PCDH15: variants seen among roughly 807,000 people sequenced by gnomAD.
PCDH15 encodes the protein protocadherin related 15.
In PCDH15, 129 loss-of-function variants were observed where a neutral mutation model predicts 178.5. That is an observed-to-expected ratio of 0.72 (90% CI 0.63 to 0.84). The LOEUF is 0.84. Among genes scored for constraint, PCDH15 ranks in the 40% least tolerant of loss-of-function variants. The pLI, the probability that PCDH15 is intolerant of heterozygous loss-of-function variation, is 0.00. For missense variants in PCDH15, 2,230 were observed against 2,099.9 expected, an observed-to-expected ratio of 1.06 and a Z score of -1.21; for synonymous variants, 800 against 732.0, an observed-to-expected ratio of 1.09 and a Z score of -1.50.
At chr10:54,412,651 A>G (rs1018536021) in intron 3 of PCDH15, among the ~76,000 whole-genome samples, 54 of 152,194 alleles carry the variant, frequency 3.5e-4, no homozygotes, top group Admixed American at 2.4e-3. Context: ...GCTACTTACA[A>G]CAAGCAACTT....
At chr10:53,965,353 C>T (rs981562239) in intron 21 of PCDH15, among the ~76,000 whole-genome samples, 1 of 152,170 alleles carries the variant, frequency 6.6e-6, no homozygotes, top group Non-Finnish European at 1.5e-5. Context: ...CCACCGCGCC[C>T]AGCCCTACTA....
intron 18 of PCDH15, among the ~76,000 whole-genome samples, chr10:54,063,388 G>A (rs2094071108): frequency 6.6e-6 from 1 of 151,900 alleles, no homozygotes; most frequent in Non-Finnish European, 1.5e-5. Context: ...TCCTTCTTGA[G>A]TCAACTTCAG....
chr10:53,812,872 T>C (rs1326404484), intron 35 of PCDH15, among the ~76,000 whole-genome samples: 1 of 152,136 alleles, frequency 6.6e-6, no homozygotes, highest in Non-Finnish European at 1.5e-5. Flanking sequence ...ATTTTGTTGA[T>C]CCAGGAATAG....
In PCDH15 at chr10:53,959,791, T is replaced by C. The variant is rs1252533873; in HGVS notation, c.3063A>G (p.Thr1021=). 1.2e-6 allele frequency: 2 copies of C among 1,614,136 alleles called. No individual in the cohort carries two copies. Among genetic ancestry groups the C allele is most frequent in the East Asian group, 4.5e-5 (2 of 44,864 alleles). ...CAGGATGTAAGACAAGAATCTTCAC[T>C]GTGGCACTGCTGGACATCACAGGCT... ...DGEPVMSSSA[T]VKILVLHPGE... The change falls in exon 23 of 38, where the codon ACA becomes ACG. Residue 1021 remains threonine, a synonymous_variant. Transcript: ENST00000644397.
At chr10:54,154,787 G>C (rs529136019) in intron 13 of PCDH15, among the ~76,000 whole-genome samples, 1 of 152,242 alleles carries the variant, frequency 6.6e-6, no homozygotes, top group African/African-American at 2.4e-5. Context: ...TGGCTATTTG[G>C]GGGTGGACAG....
At chr10:53,873,057 C>G (rs1204366892) in intron 26 of PCDH15, among the ~76,000 whole-genome samples, 1 of 152,184 alleles carries the variant, frequency 6.6e-6, no homozygotes, top group Admixed American at 6.5e-5. Flanking sequence ...CACGTTATGT[C>G]TCTCTCATTA....
chr10:55,112,950 A>C (rs1837544986), intron 2 of PCDH15, among the ~76,000 whole-genome samples: 1 of 152,148 alleles, frequency 6.6e-6, no homozygotes, highest in South Asian at 2.1e-4. Flanking sequence ...CAAGGGCGTA[A>C]TACTGTGCTT....
At chr10:54,258,601 G>A (rs532086123) in intron 8 of PCDH15, among the ~76,000 whole-genome samples, 2 of 152,178 alleles carry the variant, frequency 1.3e-5, no homozygotes, top group Middle Eastern at 3.4e-3. Context: ...AACAAACCTT[G>A]TGTAACAAGT....
intron 2 of PCDH15, among the ~76,000 whole-genome samples, chr10:55,127,905 A>C (rs936667015): frequency 5.3e-5 from 8 of 152,094 alleles, no homozygotes; most frequent in African/African-American, 1.7e-4. Flanking sequence ...ATAAGAAACA[A>C]AAAAGGCAAA....
chr10:55,251,286 C>T (rs1488142290), intron 1 of PCDH15, among the ~76,000 whole-genome samples: 4 of 151,958 alleles, frequency 2.6e-5, no homozygotes, highest in Non-Finnish European at 5.9e-5. Flanking sequence ...TACTAAATAA[C>T]TATATCAGTA....
At chr10:54,128,030 T>G (rs368686404) in intron 15 of PCDH15, among the ~76,000 whole-genome samples, 1 of 152,278 alleles carries the variant, frequency 6.6e-6, no homozygotes, top group African/African-American at 2.4e-5. Flanking sequence ...TTTCCTTTTA[T>G]TTTCCCTCTG....
At chr10:53,893,084 A>C (rs2081689115) in intron 26 of PCDH15, among the ~76,000 whole-genome samples, 1 of 152,214 alleles carries the variant, frequency 6.6e-6, no homozygotes, top group African/African-American at 2.4e-5. Flanking sequence ...AGATGGATCA[A>C]ATATTTGACT....
At position 54,197,497 on chromosome 10, in the gene PCDH15, C is replaced by T. The variant is rs567361310; in HGVS notation, c.1099-1608G>A. 1.5e-3 allele frequency among the ~76,000 whole-genome samples: 224 copies of T among 151,924 alleles called. 1 individual carries two copies. Among genetic ancestry groups the T allele is most frequent in the Middle Eastern group, 0.014 (4 of 294 alleles). Reference sequence around the variant, plus strand: ...CTATCTTTAATTTTTGTTATGTTTTCCCCATTGGGAGAAAAGTTGTATTTT... The same window carrying T: ...CTATCTTTAATTTTTGTTATGTTTTTCCCATTGGGAGAAAAGTTGTATTTT... On this transcript the variant is annotated intron_variant, in intron 10 of 37. Transcript: ENST00000644397.
intron 8 of PCDH15, among the ~76,000 whole-genome samples, chr10:54,249,633 T>C (rs1194488626): frequency 6.6e-6 from 1 of 152,200 alleles, no homozygotes; most frequent in Non-Finnish European, 1.5e-5. Context: ...GTGTTGTTTT[T>C]GACATTTAGG....
intron 2 of PCDH15, among the ~76,000 whole-genome samples, chr10:55,361,456 AC>A (rs1220148639): frequency 6.6e-6 from 1 of 151,984 alleles, no homozygotes. Flanking sequence ...TCTAAGTAAA[AC>A]GATTAGAAAT....
chr10:54,652,749 C>T (rs928602333), intron 2 of PCDH15, among the ~76,000 whole-genome samples: 15 of 152,194 alleles, frequency 9.9e-5, no homozygotes, highest in African/African-American at 3.4e-4. Context: ...ACTGAGGCAA[C>T]CAGCTCAACT....
At chr10:54,032,839 C>T (rs1481221068) in intron 18 of PCDH15, among the ~76,000 whole-genome samples, 1 of 151,996 alleles carries the variant, frequency 6.6e-6, no homozygotes, top group Non-Finnish European at 1.5e-5. Flanking sequence ...GGGGAGGTCT[C>T]AGGAAACTTA....
chr10:53,988,262 CT>C (rs1414035743), intron 21 of PCDH15, among the ~76,000 whole-genome samples: 2 of 152,106 alleles, frequency 1.3e-5, no homozygotes, highest in East Asian at 3.9e-4. Context: ...TCATGTACTC[CT>C]TGGTTTGATA....
chr10:53,958,792 A>C (rs892447165), intron 23 of PCDH15, among the ~76,000 whole-genome samples: 1 of 151,866 alleles, frequency 6.6e-6, no homozygotes, highest in Non-Finnish European at 1.5e-5. Context: ...ATCCTGGCTA[A>C]TGCAGTGAAA....
Sources: allele counts gnomAD v4.1 joint callset (sites outside exome capture counted in the v4.1 genomes callset), GRCh38; gene constraint gnomAD v4.1.1; transcripts MANE v1.5; gene names NCBI Gene and HGNC (gene_info 2026-07-23, HGNC 2026-07-21).